The following STS variants were observed in gnomAD, a reference collection of about 807,000 sequenced individuals.
STS encodes steroid sulfatase, also known as steryl-sulfatase.
A neutral mutation model predicts 26.8 loss-of-function variants in STS; 7 were observed. The observed-to-expected ratio is 0.26, with a 90% CI of 0.15 to 0.49. The LOEUF (loss-of-function observed/expected upper bound fraction) is 0.49. Ranked by LOEUF, STS falls within the 20% of genes least tolerant of loss-of-function variation. The pLI is 0.98. For synonymous variants in STS, 199 were observed against 189.4 expected (o/e 1.05, Z -0.42); for missense variants, 434 against 465.6 (o/e 0.93, Z 0.63).
At chrX:7,304,984 A>C in intron 7 of STS, 62 bp from the exon 8 acceptor site, 3 of 1,183,183 alleles carry the variant, frequency 2.5e-6, no homozygotes, top group Admixed American at 2.2e-5. Context: ...TGAGTAGGGC[A>C]ACCATCTCCA....
chrX:7,221,110 C>T (rs1921545855), intron 2 of STS, among the ~76,000 whole-genome samples: 1 of 112,446 alleles, frequency 8.9e-6, no homozygotes, highest in Admixed American at 9.4e-5. Context: ...TGTCTAAAGT[C>T]TTCTTCGTAG....
chrX:7,330,708 A>G (rs1459490034), intron 9 of STS, among the ~76,000 whole-genome samples: 1 of 112,005 alleles, frequency 8.9e-6, no homozygotes, highest in Non-Finnish European at 1.9e-5. Context: ...TCTGCTTTAC[A>G]TTAGTTTTGC....
chrX:7,216,798 A>G (rs1038131066), intron 2 of STS, among the ~76,000 whole-genome samples: 1 of 112,132 alleles, frequency 8.9e-6, no homozygotes, highest in Non-Finnish European at 1.9e-5. Flanking sequence ...TCTCTGTCCT[A>G]TTAGACAAGG....
intron 1 of STS, among the ~76,000 whole-genome samples, chrX:7,151,175 T>A (rs1486267175): frequency 8.9e-6 from 1 of 112,475 alleles, no homozygotes; most frequent in Non-Finnish European, 1.9e-5. Context: ...TTCCTTAGTT[T>A]GTTGTCCTGG....
intron 2 of STS, among the ~76,000 whole-genome samples, chrX:7,204,148 C>G (rs1205863578): frequency 1.8e-5 from 2 of 111,336 alleles, no homozygotes; most frequent in Non-Finnish European, 3.8e-5. Flanking sequence ...GCCTTTTACA[C>G]CCTAAAATTA....
chrX:7,265,455 A>G (rs1923963528), intron 6 of STS, among the ~76,000 whole-genome samples: 1 of 112,013 alleles, frequency 8.9e-6, no homozygotes, highest in Admixed American at 9.5e-5. Context: ...TAATGGGTAT[A>G]TAATTTTGAG....
chrX:7,226,390 A>G (rs1160701888), intron 2 of STS, among the ~76,000 whole-genome samples: 1 of 111,979 alleles, frequency 8.9e-6, no homozygotes, highest in African/African-American at 3.2e-5. Context: ...TTGTTTATGC[A>G]TTCTCCTGTT....
chrX:7,327,388 CTT>C (rs1241631906), intron 9 of STS, among the ~76,000 whole-genome samples: 1 of 91,352 alleles, frequency 1.1e-5, no homozygotes. Flanking sequence ...TTTTTTTTTT[CTT>C]TTTTTTTTTT....
At chrX:7,289,863 C>T (rs1330048343) in intron 7 of STS, among the ~76,000 whole-genome samples, 2 of 111,137 alleles carry the variant, frequency 1.8e-5, no homozygotes, top group East Asian at 2.8e-4. Flanking sequence ...CTATGTTGCC[C>T]GGGCTGGTCT....
intron 2 of STS, among the ~76,000 whole-genome samples, chrX:7,212,007 A>G (rs1327698072): frequency 1.8e-5 from 2 of 112,172 alleles, no homozygotes; most frequent in Non-Finnish European, 1.9e-5. Context: ...ATACGTGTCA[A>G]TGTATTCCTT....
intron 2 of STS, among the ~76,000 whole-genome samples, chrX:7,204,545 C>CTCCCTTCCT (rs1337975252): frequency 1.1e-5 from 1 of 89,607 alleles, no homozygotes; most frequent in Admixed American, 1.2e-4. Context: ...CCCTCCTTTC[C>CTCCCTTCCT]TCCCTTCCTT....
intron 2 of STS, among the ~76,000 whole-genome samples, chrX:7,215,592 C>A (rs1303503339): frequency 1.8e-5 from 2 of 111,366 alleles, no homozygotes; most frequent in African/African-American, 6.5e-5. Flanking sequence ...TGTTCTCTAC[C>A]CTGGAAGAAG....
chrX:7,173,274 CT>C (rs764989201), intron 1 of STS, among the ~76,000 whole-genome samples: 36 of 111,779 alleles, frequency 3.2e-4, no homozygotes, highest in African/African-American at 9.1e-4. Flanking sequence ...TGATCTCATT[CT>C]TTTTTTATGG....
chrX:7,337,258 T>C (rs1928077275), intron 10 of STS, among the ~76,000 whole-genome samples: 1 of 112,346 alleles, frequency 8.9e-6, no homozygotes, highest in African/African-American at 3.2e-5. Flanking sequence ...GCACCTACTG[T>C]GTGGAACATA....
At chrX:7,160,663 G>A (rs1232861444) in intron 1 of STS, among the ~76,000 whole-genome samples, 17 of 112,135 alleles carry the variant, frequency 1.5e-4, no homozygotes, top group African/African-American at 5.5e-4. Context: ...ATGTCTATGC[G>A]GGAGATGTCT....
intron 7 of STS, among the ~76,000 whole-genome samples, chrX:7,278,312 A>C: frequency 8.9e-6 from 1 of 112,186 alleles, no homozygotes; most frequent in Non-Finnish European, 1.9e-5. Context: ...ATTCTGAATA[A>C]TTATGTAATA....
intron 2 of STS, among the ~76,000 whole-genome samples, chrX:7,208,617 C>T (rs751689079): frequency 8.9e-6 from 1 of 111,872 alleles, no homozygotes; most frequent in East Asian, 2.8e-4. Flanking sequence ...GTCTCCACCT[C>T]CCTTCTTCCT....
intron 1 of STS, among the ~76,000 whole-genome samples, chrX:7,189,276 A>G (rs1211491368): frequency 2.7e-5 from 3 of 111,956 alleles, no homozygotes; most frequent in Non-Finnish European, 5.6e-5. Context: ...AACAAGTTAA[A>G]AGAAAAGTCT....
chrX:7,325,590 G>A lies in STS; in HGVS notation c.1241+92G>A, dbSNP rs1927403839. The A allele has an allele frequency of 8.6e-6, 9 of 1,042,562 alleles. No individual in the cohort carries two copies. In the Admixed American group the frequency reaches 2.0e-4, roughly 23 times the overall value. The allele number at this position is 1,042,562 out of a possible 1,213,427, so 85.9% of individuals were successfully genotyped here. A position where few individuals can be genotyped will look rare whatever the true frequency, so the allele number is the denominator to read the frequency against. On this transcript the variant is annotated intron_variant, in intron 9 of 10. Coordinates refer to ENST00000674429, the MANE Select transcript of STS (RefSeq NM_001320752.2). ...GCCTGCATAATGGTGTGGGGACCAA[G>A]GCCTTTGGCCCCCTGGAGTTTTCCT...
Sources: gnomAD v4.1 joint callset for allele counts (sites outside exome capture counted in the v4.1 genomes callset) on GRCh38, gnomAD v4.1.1 for gene constraint, MANE v1.5 for transcripts, NCBI Gene and HGNC (gene_info 2026-07-23, HGNC 2026-07-21) for gene names.